The following GOLGA4 variants were observed in gnomAD, a reference collection of about 807,000 sequenced individuals.
GOLGA4 encodes golgin subfamily A member 4.
In GOLGA4, 169 loss-of-function variants were observed where a neutral mutation model predicts 265.9. That is an observed-to-expected ratio of 0.64 (90% CI 0.56 to 0.72). The LOEUF is 0.72. Among genes scored for constraint, GOLGA4 ranks in the 30% least tolerant of loss-of-function variants. The probability of loss-of-function intolerance (pLI) is 0.00; values close to 1 mark genes in which losing one functional copy is unlikely to be tolerated. For synonymous variants in GOLGA4, 923 were observed against 855.8 expected (o/e 1.08, Z -1.37); for missense variants, 2,482 against 2,483.4 (o/e 1.00, Z 0.01).
chr3:37,337,341 G>T (rs2097017577), intron 18 of GOLGA4, among the ~76,000 whole-genome samples, 178 bp downstream of exon 18: 1 of 151,934 alleles, frequency 6.6e-6, no homozygotes, highest in South Asian at 2.1e-4. Flanking sequence ...TGGGACTACA[G>T]GTATGTGCCA....
At chr3:37,302,536 G>A (rs1163777296) in intron 10 of GOLGA4, among the ~76,000 whole-genome samples, 2 of 152,224 alleles carry the variant, frequency 1.3e-5, no homozygotes, top group Non-Finnish European at 2.9e-5. Context: ...GCCTATTTAT[G>A]TACAGCCCTT....
chr3:37,362,785 T>TTTTTTTTTTTTTTTTC, intron 23 of GOLGA4, among the ~76,000 whole-genome samples: 1 of 129,910 alleles, frequency 7.7e-6, no homozygotes, highest in Non-Finnish European at 1.7e-5. Flanking sequence ...CTAAGCTTTT[T>TTTTTTTTTTTTTTTTC]TTTTTTTTTT....
chr3:37,353,935 C>T (rs562254503), intron 21 of GOLGA4, among the ~76,000 whole-genome samples: 6 of 151,972 alleles, frequency 3.9e-5, no homozygotes, highest in South Asian at 4.2e-4. Context: ...GAAAGATAAA[C>T]GGAAGAAGAG....
intron 2 of GOLGA4, among the ~76,000 whole-genome samples, chr3:37,254,405 C>T (rs1363748998): frequency 6.6e-6 from 1 of 151,196 alleles, no homozygotes; most frequent in East Asian, 1.9e-4. Context: ...TACTATGTAC[C>T]TTTTGTTTAT....
At chr3:37,328,641 G>C (rs1430358300) in intron 15 of GOLGA4, 104 bp downstream of exon 15, 2 of 1,063,298 alleles carry the variant, frequency 1.9e-6, no homozygotes, top group East Asian at 5.2e-5. Context: ...CATTAAACTG[G>C]GGAAGAAATA....
chr3:37,327,015 G>A lies in GOLGA4; in HGVS notation c.5129G>A (p.Arg1710Lys), dbSNP rs1328854869. Residue 1710 changes from arginine to lysine, a missense_variant, in exon 14 of 24, where the codon AGA becomes AAA. Arg to Lys is a conservative substitution (Grantham distance 26). Around this residue, in one of 3 missense-constraint regions of GOLGA4, gnomAD observed 942 missense variants for 983.1 expected, o/e 0.96. Transcript: ENST00000361924. ...CAGTCAGAAACATTAATTGTACCCAGATCAGCAAAAAATGTGGCAGCATAT... is the reference window on the plus strand; with the variant it reads ...CAGTCAGAAACATTAATTGTACCCAAATCAGCAAAAAATGTGGCAGCATAT... ...SSQSETLIVP[R>K]SAKNVAAYTE... is the part of the protein sequence containing the mutation. 1.9e-6 allele frequency: 3 copies of A among 1,613,886 alleles called. No individual in the cohort carries two copies. Among genetic ancestry groups the A allele is most frequent in the Non-Finnish European group, 2.5e-6 (3 of 1,179,840 alleles).
At chr3:37,293,196 A>G (rs2096869436) in intron 5 of GOLGA4, among the ~76,000 whole-genome samples, 1 of 152,228 alleles carries the variant, frequency 6.6e-6, no homozygotes, top group Non-Finnish European at 1.5e-5. Context: ...AACTGTCACA[A>G]GCTTGTCTAA....
At chr3:37,318,298 T>C (rs2096943642) in intron 11 of GOLGA4, among the ~76,000 whole-genome samples, 1 of 152,114 alleles carries the variant, frequency 6.6e-6, no homozygotes, top group South Asian at 2.1e-4. Flanking sequence ...CCTCCTGCCT[T>C]GGCCTCCCAA....
At chr3:37,255,094 C>G (rs2096744842) in intron 2 of GOLGA4, among the ~76,000 whole-genome samples, 1 of 151,632 alleles carries the variant, frequency 6.6e-6, no homozygotes, top group African/African-American at 2.4e-5. Flanking sequence ...TTTTTCCAAA[C>G]TTATCTTTAG....
At chr3:37,258,481 C>G (rs2096760541) in intron 2 of GOLGA4, among the ~76,000 whole-genome samples, 1 of 152,004 alleles carries the variant, frequency 6.6e-6, no homozygotes, top group Admixed American at 6.6e-5. Flanking sequence ...GCATGTGCCA[C>G]CACACCCAGC....
At chr3:37,347,156 T>C (rs2097059067) in intron 20 of GOLGA4, 37 bp from the exon 21 acceptor site, 1 of 1,240,532 alleles carries the variant, frequency 8.1e-7, no homozygotes, top group Non-Finnish European at 1.2e-6. Context: ...TTACCTGGTT[T>C]TGTCTTTACA....
intron 16 of GOLGA4, among the ~76,000 whole-genome samples, chr3:37,334,141 A>G (rs1415711004): frequency 4.6e-5 from 7 of 152,216 alleles, no homozygotes; most frequent in Admixed American, 3.3e-4. Context: ...GCCCTGTACA[A>G]TAAATCATGG....
rs1406244684 is a variant in GOLGA4 at position 37,246,343 on chromosome 3, C to G, written c.72+2721C>G. Among the ~76,000 whole-genome samples, 3 of 151,824 alleles carry G rather than the reference C, an allele frequency of 2.0e-5. No homozygotes were observed. The East Asian group carries it at 5.8e-4, about 29-fold the overall frequency. ...AAAAAATATGTTTTAACAACAAATA[C>G]CTATTTTGGATTTTTAAACTCCTTA... On this transcript the variant is annotated intron_variant, in intron 1 of 23. Transcript: ENST00000361924.
intron 1 of GOLGA4, among the ~76,000 whole-genome samples, chr3:37,249,031 T>C (rs554813335): frequency 1.3e-5 from 2 of 152,330 alleles, no homozygotes; most frequent in African/African-American, 4.8e-5. Flanking sequence ...GACCATTTTA[T>C]TAAAGGAGTT....
chr3:37,290,792 G>T (rs891304555), intron 5 of GOLGA4, among the ~76,000 whole-genome samples: 2 of 152,110 alleles, frequency 1.3e-5, no homozygotes, highest in Non-Finnish European at 1.5e-5. Flanking sequence ...GCAACAAAGG[G>T]GTTGTAGGAA....
chr3:37,361,298 AACATGTG>A lies in GOLGA4; in HGVS notation c.*27_*33del, dbSNP rs766059383. Reference sequence around the variant, plus strand: ...GTAAACCATCAGTCTGTGCTTAGTTAACATGTGGTGAGTGAAGAACAATGTCTTGTGT... The same window carrying A: ...GTAAACCATCAGTCTGTGCTTAGTTAGTGAGTGAAGAACAATGTCTTGTGT... On this transcript the variant is annotated splice_region_variant and 3_prime_UTR_variant, in exon 23 of 24. Coordinates refer to ENST00000361924, the MANE Select transcript of GOLGA4 (RefSeq NM_002078.5). The A allele has an allele frequency of 1.2e-6, 2 of 1,609,140 alleles. No homozygotes were observed. The highest frequency in any genetic ancestry group is 4.5e-5 in the East Asian group (2 of 44,764).
intron 4 of GOLGA4, among the ~76,000 whole-genome samples, chr3:37,288,621 C>T (rs1460066169): frequency 6.6e-6 from 1 of 151,860 alleles, no homozygotes; most frequent in African/African-American, 2.4e-5. Context: ...GGACTACAGG[C>T]GCCTGCCACC....
intron 2 of GOLGA4, among the ~76,000 whole-genome samples, chr3:37,281,508 C>G (rs2096834523): frequency 6.6e-6 from 1 of 152,168 alleles, no homozygotes; most frequent in Non-Finnish European, 1.5e-5. Flanking sequence ...CACTTGAGTT[C>G]AGTTACACAC....
chr3:37,298,588 C>T (rs1263567669), intron 7 of GOLGA4, among the ~76,000 whole-genome samples: 2 of 152,194 alleles, frequency 1.3e-5, no homozygotes, highest in Non-Finnish European at 1.5e-5. Flanking sequence ...AATCTAGTCT[C>T]CAGGCAAGAA....
Sources: allele counts gnomAD v4.1 joint callset (sites outside exome capture counted in the v4.1 genomes callset), GRCh38; gene constraint gnomAD v4.1.1; regional missense constraint gnomAD v4.1.1; transcripts MANE v1.5; gene names NCBI Gene and HGNC (gene_info 2026-07-23, HGNC 2026-07-21).